The following NOTCH2 variants were observed in gnomAD, a reference collection of about 807,000 sequenced individuals.
NOTCH2 encodes the protein neurogenic locus notch homolog protein 2.
NOTCH2 carries 29 observed loss-of-function variants against 235.8 expected under a neutral mutation model. The observed-to-expected ratio is 0.12, with a 90% CI of 0.09 to 0.17. The LOEUF is 0.17. Ranked by LOEUF, NOTCH2 falls within the 10% of genes least tolerant of loss-of-function variation. The probability of loss-of-function intolerance (pLI) is 1.00; values close to 1 mark genes in which losing one functional copy is unlikely to be tolerated. For synonymous variants in NOTCH2, 1,086 were observed against 1,141.5 expected (o/e 0.95, Z 0.98); for missense variants, 2,285 against 3,150.2 (o/e 0.73, Z 6.57).
In NOTCH2 at chr1:119,915,955, C is replaced by A; in HGVS notation, c.6767G>T (p.Arg2256Leu). Residue 2256 changes from arginine (R) to leucine (L), a missense_variant, in exon 34 of 34, where the codon CGC becomes CTC. Physicochemically the swap from Arg to Leu is moderately radical, Grantham distance 102 (BLOSUM62 -2). Transcript: ENST00000256646. Reference protein sequence around the residue: ...PVPVPADWMNRMEVNETQYNE... With the variant: ...PVPVPADWMNLMEVNETQYNE... Reference sequence around the variant, plus strand: ...GTACTGGGTCTCATTCACCTCCATGCGGTTCATCCAATCTGCTGGGACTGG... The same window carrying A: ...GTACTGGGTCTCATTCACCTCCATGAGGTTCATCCAATCTGCTGGGACTGG... The A allele has an allele frequency of 6.2e-7, 1 of 1,614,108 alleles. No individual in the cohort carries two copies. Among genetic ancestry groups the A allele is most frequent in the East Asian group, 2.2e-5 (1 of 44,876 alleles).
In NOTCH2 at chr1:119,925,538, C is replaced by G. The variant is rs773016822; in HGVS notation, c.4278G>C (p.Leu1426=). 6.2e-7 allele frequency: 1 copy of G among 1,614,142 alleles called. No individual in the cohort carries two copies. The highest frequency in any genetic ancestry group is 8.5e-7 in the Non-Finnish European group (1 of 1,180,040). The change falls in exon 25 of 34, where the codon CTG becomes CTC. Residue 1426 remains leucine, a synonymous_variant. Coordinates refer to ENST00000256646, the MANE Select transcript of NOTCH2 (RefSeq NM_024408.4). ...GAGCTTTGTCGGCACAATACTGGCT[C>G]AGACAGGTGGCAGGAGGGGTGCTGG... ...APPSTPPATC[L]SQYCADKARD...
intron 11 of NOTCH2, 76 bp downstream of exon 11, chr1:119,963,498 C>T (rs1242281170): frequency 2.5e-5 from 32 of 1,294,068 alleles, no homozygotes; most frequent in Non-Finnish European, 2.7e-5. Flanking sequence ...CATATGCCAA[C>T]AGTCTGAAAC....
intron 4 of NOTCH2, among the ~76,000 whole-genome samples, chr1:119,989,302 T>A (rs1356935740): frequency 6.6e-6 from 1 of 152,134 alleles, no homozygotes; most frequent in Non-Finnish European, 1.5e-5. Context: ...TGTAAAAGAA[T>A]CAAGTTAGAC....
intron 3 of NOTCH2, among the ~76,000 whole-genome samples, chr1:120,002,527 A>AG (rs1652803014): frequency 6.6e-6 from 1 of 150,440 alleles, no homozygotes; most frequent in Non-Finnish European, 1.5e-5. Flanking sequence ...CCTCTCCATC[A>AG]GGAAAAAAAA....
intron 22 of NOTCH2, among the ~76,000 whole-genome samples, chr1:119,934,932 G>A (rs1649793923): frequency 2.6e-5 from 4 of 152,114 alleles, no homozygotes; most frequent in South Asian, 2.1e-4. Flanking sequence ...AAGAATGATG[G>A]CCCCATCACT....
At position 119,922,346 on chromosome 1, in the gene NOTCH2, T is replaced by C. The variant is rs201233415; in HGVS notation, c.5103A>G (p.Lys1701=). The C allele has an allele frequency of 3.0e-4, 482 of 1,614,038 alleles. No homozygotes were observed. Among genetic ancestry groups the C allele is most frequent in the Middle Eastern group, 2.0e-3 (12 of 6,062 alleles). Residue 1701 remains lysine (K), a synonymous_variant, in exon 28 of 34, where the codon AAA becomes AAG. Transcript: ENST00000256646. ...FIILLGVIMA[K]RKRKHGSLWL... is the part of the protein sequence containing the mutation. ...AGAGAGAGCCATGCTTACGCTTTCG[T>C]TTTGCCATGATTACCCCCAGCAGAA...
intron 17 of NOTCH2, among the ~76,000 whole-genome samples, chr1:119,942,983 G>A (rs782292711): frequency 2.7e-5 from 4 of 149,374 alleles, no homozygotes; most frequent in Non-Finnish European, 3.0e-5. Context: ...AGAGATTCTC[G>A]TGCATCAGCC....
At chr1:119,996,250 C>T (rs587735997) in intron 4 of NOTCH2, 24 of 189,350 alleles carry the variant, frequency 1.3e-4, no homozygotes, top group African/African-American at 4.5e-4. Flanking sequence ...CCAAGCTCCC[C>T]GACACTGCTC....
chr1:120,005,238 C>T (rs1652920613), intron 3 of NOTCH2, 91 bp downstream of exon 3: 5 of 1,463,646 alleles, frequency 3.4e-6, no homozygotes, highest in Non-Finnish European at 4.8e-6. Context: ...AGCTGGGGGA[C>T]ATTTAAGAGC....
chr1:119,959,563 GCT>G, intron 11 of NOTCH2, 61 bp from the exon 12 acceptor site: 4 of 908,392 alleles, frequency 4.4e-6, no homozygotes, highest in Non-Finnish European at 7.4e-6. Flanking sequence ...AAGGCTTTCT[GCT>G]TGTGATGCAG....
chr1:119,955,382 C>A, intron 12 of NOTCH2, 150 bp from the exon 13 acceptor site: 4 of 736,184 alleles, frequency 5.4e-6, no homozygotes, highest in Non-Finnish European at 9.6e-6. Context: ...AATTAGACAC[C>A]CAATAACACT....
intron 8 of NOTCH2, among the ~76,000 whole-genome samples, chr1:119,966,771 T>C (rs782414331): frequency 6.6e-6 from 1 of 152,360 alleles, no homozygotes; most frequent in Middle Eastern, 3.4e-3. Flanking sequence ...TTTTCTGTGA[T>C]AAATCCATAC....
At chr1:119,926,952 AAAAC>A (rs1201293532) in intron 23 of NOTCH2, among the ~76,000 whole-genome samples, 1 of 152,234 alleles carries the variant, frequency 6.6e-6, no homozygotes, top group Non-Finnish European at 1.5e-5. Context: ...AAGTTGCAAA[AAAAC>A]AGTTGAAAAA....
intron 18 of NOTCH2, 112 bp downstream of exon 18, chr1:119,941,414 C>G (rs1391237840): frequency 1.3e-6 from 1 of 754,154 alleles, no homozygotes; most frequent in Non-Finnish European, 2.4e-6. Context: ...GGACTGGGAT[C>G]CATGTGGACA....
At chr1:119,974,574 A>C (rs1651488657) in intron 5 of NOTCH2, among the ~76,000 whole-genome samples, 1 of 152,184 alleles carries the variant, frequency 6.6e-6, no homozygotes, top group South Asian at 2.1e-4. Flanking sequence ...AAATATACTC[A>C]AATCTACACC....
chr1:120,057,040 A>T (rs1228068331), intron 1 of NOTCH2, among the ~76,000 whole-genome samples: 2 of 117,758 alleles, frequency 1.7e-5, no homozygotes, highest in Non-Finnish European at 3.0e-5. Context: ...AGATCACAGG[A>T]AACCAGTGAA....
intron 11 of NOTCH2, among the ~76,000 whole-genome samples, chr1:119,961,506 T>G (rs1650936195): frequency 6.6e-6 from 1 of 152,226 alleles, no homozygotes; most frequent in South Asian, 2.1e-4. Context: ...CTGTGTGACC[T>G]CTGGTCTACA....
At chr1:120,042,769 C>T (rs2603955) in intron 1 of NOTCH2, among the ~76,000 whole-genome samples, 4 of 152,092 alleles carry the variant, frequency 2.6e-5, no homozygotes, top group Non-Finnish European at 5.9e-5. Context: ...CAAAGTTTTA[C>T]ATTAAAAAAC....
chr1:119,926,959 T>C (rs1340614324), intron 23 of NOTCH2, among the ~76,000 whole-genome samples: 3 of 152,204 alleles, frequency 2.0e-5, no homozygotes, highest in African/African-American at 4.8e-5. Context: ...AAAAAAACAG[T>C]TGAAAAACTA....
Sources: gnomAD v4.1 joint callset for allele counts (sites outside exome capture counted in the v4.1 genomes callset) on GRCh38, gnomAD v4.1.1 for gene constraint, MANE v1.5 for transcripts, NCBI Gene and HGNC (gene_info 2026-07-23, HGNC 2026-07-21) for gene names.